The following CADM1 variants were observed in gnomAD, a reference collection of about 807,000 sequenced individuals.
CADM1 encodes the protein TSLC-1.
CADM1 carries 15 observed loss-of-function variants against 53.1 expected under a neutral mutation model. The ratio of observed to expected loss-of-function variants is 0.28; its 90% CI spans 0.19 to 0.44. The LOEUF (loss-of-function observed/expected upper bound fraction) is 0.44. Ranked by LOEUF, CADM1 falls within the 20% of genes least tolerant of loss-of-function variation. The probability of loss-of-function intolerance (pLI) is 1.00; values close to 1 mark genes in which losing one functional copy is unlikely to be tolerated. For missense variants in CADM1, 434 were observed against 611.3 expected (o/e 0.71, Z 3.06); for synonymous variants, 281 against 243.0 (o/e 1.16, Z -1.45).
At chr11:115,318,317 T>C (rs1053742850) in intron 1 of CADM1, among the ~76,000 whole-genome samples, 1 of 152,190 alleles carries the variant, frequency 6.6e-6, no homozygotes, top group Admixed American at 6.5e-5. Flanking sequence ...GTTGGCCTCA[T>C]AAATAAAATC....
At chr11:115,296,359 C>T (rs899951278) in intron 1 of CADM1, among the ~76,000 whole-genome samples, 11 of 152,128 alleles carry the variant, frequency 7.2e-5, no homozygotes, top group African/African-American at 2.7e-4. Flanking sequence ...ATCTGGTCCC[C>T]AGTGTGGTGG....
At chr11:115,254,574 AC>A (rs1942717653) in intron 1 of CADM1, among the ~76,000 whole-genome samples, 2 of 149,172 alleles carry the variant, frequency 1.3e-5, no homozygotes, top group African/African-American at 5.0e-5. Flanking sequence ...ACACACACAC[AC>A]ACACACACAC....
intron 1 of CADM1, among the ~76,000 whole-genome samples, chr11:115,441,878 C>CA (rs956605248): frequency 2.6e-4 from 39 of 151,426 alleles, no homozygotes; most frequent in African/African-American, 5.3e-4. Flanking sequence ...CAAAAACAAA[C>CA]AAAAAAAACC....
At chr11:115,444,462 T>C (rs541919762) in intron 1 of CADM1, among the ~76,000 whole-genome samples, 1 of 152,208 alleles carries the variant, frequency 6.6e-6, no homozygotes, top group Non-Finnish European at 1.5e-5. Flanking sequence ...ATCACTTGTG[T>C]TTTTTCATTT....
chr11:115,410,773 G>T, intron 1 of CADM1, among the ~76,000 whole-genome samples: 1 of 152,162 alleles, frequency 6.6e-6, no homozygotes, highest in East Asian at 1.9e-4. Context: ...ACAAACAAAT[G>T]AGTAAAATCT....
rs527696787 is a variant in CADM1 at position 115,423,099 on chromosome 11, G to C, written c.124+81172C>G. ...AAAGTCGAGGCCTTAGTGCCAACTG[G>C]ATAAAATTTAAATGAGTTTTGATTT... On this transcript the variant is annotated intron_variant, in intron 1 of 11. Coordinates refer to ENST00000331581, the MANE Select transcript of CADM1 (RefSeq NM_001301043.2). 2.0e-5 allele frequency among the ~76,000 whole-genome samples: 3 copies of C among 152,014 alleles called. No individual in the cohort carries two copies. The South Asian group carries it at 6.2e-4, about 32-fold the overall frequency.
At chr11:115,418,709 G>T (rs1308612229) in intron 1 of CADM1, among the ~76,000 whole-genome samples, 1 of 152,074 alleles carries the variant, frequency 6.6e-6, no homozygotes, top group Non-Finnish European at 1.5e-5. Flanking sequence ...CCACATTAAA[G>T]GACCAACCAA....
At chr11:115,266,023 C>T (rs1441738571) in intron 1 of CADM1, among the ~76,000 whole-genome samples, 1 of 152,100 alleles carries the variant, frequency 6.6e-6, no homozygotes, top group Admixed American at 6.5e-5. Context: ...AAGTGGGGCC[C>T]AACAATGTCT....
At chr11:115,285,794 T>C (rs1368884728) in intron 1 of CADM1, among the ~76,000 whole-genome samples, 2 of 152,198 alleles carry the variant, frequency 1.3e-5, no homozygotes, top group African/African-American at 4.8e-5. Context: ...TCTGAGCCAC[T>C]GTAGCTCTCT....
chr11:115,320,338 C>G (rs78775536), intron 1 of CADM1, among the ~76,000 whole-genome samples: 1 of 152,126 alleles, frequency 6.6e-6, no homozygotes, highest in Non-Finnish European at 1.5e-5. Context: ...GCTGGGATTA[C>G]AGATGTGAGC....
At chr11:115,307,658 T>A (rs986547640) in intron 1 of CADM1, among the ~76,000 whole-genome samples, 1 of 151,792 alleles carries the variant, frequency 6.6e-6, no homozygotes, top group Non-Finnish European at 1.5e-5. Flanking sequence ...CTGTTGCACA[T>A]CAGTCTTTGA....
At chr11:115,247,672 A>G (rs1942450388) in intron 1 of CADM1, among the ~76,000 whole-genome samples, 1 of 152,228 alleles carries the variant, frequency 6.6e-6, no homozygotes, top group Admixed American at 6.5e-5. Context: ...CTCAACAGCA[A>G]CCACAGCAAA....
chr11:115,244,542 A>T (rs1265730627), intron 1 of CADM1, among the ~76,000 whole-genome samples: 1 of 152,186 alleles, frequency 6.6e-6, no homozygotes, highest in African/African-American at 2.4e-5. Flanking sequence ...AGTTTTCAGT[A>T]TCCCCGCTTT....
chr11:115,420,024 T>C (rs1947713244), intron 1 of CADM1, among the ~76,000 whole-genome samples: 1 of 152,296 alleles, frequency 6.6e-6, no homozygotes, highest in African/African-American at 2.4e-5. Flanking sequence ...AGATTATTTC[T>C]CAACCAGGTG....
intron 1 of CADM1, among the ~76,000 whole-genome samples, chr11:115,363,151 T>A (rs1266677205): frequency 1.3e-5 from 2 of 152,198 alleles, no homozygotes; most frequent in Non-Finnish European, 2.9e-5. Context: ...ATACTCAAAG[T>A]TCCTTTGGCC....
chr11:115,349,595 C>A (rs1234624638), intron 1 of CADM1, among the ~76,000 whole-genome samples: 1 of 152,206 alleles, frequency 6.6e-6, no homozygotes, highest in African/African-American at 2.4e-5. Flanking sequence ...ATGAAATTAG[C>A]ACTTTCATTC....
At chr11:115,468,453 T>G (rs1422605148) in intron 1 of CADM1, among the ~76,000 whole-genome samples, 1 of 152,196 alleles carries the variant, frequency 6.6e-6, no homozygotes, top group Non-Finnish European at 1.5e-5. Flanking sequence ...GAATAGGATA[T>G]TTGTTAAAAT....
intron 1 of CADM1, among the ~76,000 whole-genome samples, chr11:115,478,387 G>T (rs1207408537): frequency 6.6e-6 from 1 of 152,002 alleles, no homozygotes; most frequent in Non-Finnish European, 1.5e-5. Context: ...TAAATATCTA[G>T]AAAAGGCTTA....
chr11:115,384,900 T>C (rs1024299628), intron 1 of CADM1, among the ~76,000 whole-genome samples: 2 of 152,210 alleles, frequency 1.3e-5, no homozygotes, highest in African/African-American at 4.8e-5. Context: ...GCTAGTGTAA[T>C]TGAAACCTTC....
Sources: allele counts gnomAD v4.1 joint callset (sites outside exome capture counted in the v4.1 genomes callset), GRCh38; gene constraint gnomAD v4.1.1; transcripts MANE v1.5; gene names NCBI Gene and HGNC (gene_info 2026-07-23, HGNC 2026-07-21).